Variants in SPAG17 observed in about 807,000 individuals in gnomAD.
SPAG17 encodes the protein sperm-associated antigen 17.
A neutral mutation model predicts 273.6 loss-of-function variants in SPAG17; 169 were observed. The ratio of observed to expected loss-of-function variants is 0.62; its 90% CI spans 0.55 to 0.70. The LOEUF (loss-of-function observed/expected upper bound fraction) is 0.70, where lower values mean the gene tolerates loss of function less well. SPAG17 is among the 30% of genes least tolerant of loss of function. The pLI is 0.00. For missense variants in SPAG17, 2,557 were observed against 2,627.8 expected, an observed-to-expected ratio of 0.97 and a Z score of 0.59; for synonymous variants, 825 against 873.2, an observed-to-expected ratio of 0.94 and a Z score of 0.97.
chr1:118,153,263 T>C (rs1454334116), intron 1 of SPAG17, among the ~76,000 whole-genome samples: 1 of 152,194 alleles, frequency 6.6e-6, no homozygotes, highest in Non-Finnish European at 1.5e-5. Context: ...TGTTATCTCA[T>C]TGAATCCCTA....
At chr1:117,955,222 G>A (rs1363522700) in intron 48 of SPAG17, 8 of 1,036,842 alleles carry the variant, frequency 7.7e-6, no homozygotes, top group Admixed American at 7.1e-5. Context: ...AAGTAAGAAG[G>A]AGGGGTTCCT....
chr1:118,086,982 G>A lies in SPAG17; in HGVS notation c.1386C>T (p.Val462=). Residue 462 remains valine, a synonymous_variant, in exon 11 of 49, where the codon GTC becomes GTT. Coordinates refer to ENST00000336338, the MANE Select transcript of SPAG17 (RefSeq NM_206996.4). The stretch of plus-strand genomic sequence containing the variant: ...GGGATGGCTCCCGCAGACTGGGTGG[G>A]ACGAGATCTTCTTCAGTTGCAACAA... ...EQVVATEEDL[V]PPSLREPSPR... The A allele has an allele frequency of 6.4e-7, 1 of 1,571,610 alleles. No homozygotes were observed. Among genetic ancestry groups the A allele is most frequent in the Non-Finnish European group, 8.6e-7 (1 of 1,163,132 alleles).
In SPAG17 at chr1:118,106,340, C is replaced by T. The variant is rs112791924; in HGVS notation, c.448-4414G>A. The stretch of plus-strand genomic sequence containing the variant: ...TAGGTAGAGCACCATCTTCATTTTA[C>T]GGAGGAGAAAACTGAGTCTTAGTGA... On this transcript the variant is annotated intron_variant, in intron 4 of 48. Transcript: ENST00000336338. Among the ~76,000 whole-genome samples, 517 of 152,206 alleles carry T rather than the reference C, an allele frequency of 3.4e-3. 5 individuals carry two copies. Among genetic ancestry groups the T allele is most frequent in the Admixed American group, 9.9e-3 (152 of 15,278 alleles).
intron 30 of SPAG17, 49 bp downstream of exon 30, chr1:118,012,178 AC>A: frequency 6.4e-7 from 1 of 1,564,080 alleles, no homozygotes; most frequent in Non-Finnish European, 8.8e-7. Flanking sequence ...TATCTAACTT[AC>A]GCTAAAGAGT....
chr1:118,152,570 T>C (rs1411142175), intron 1 of SPAG17, among the ~76,000 whole-genome samples: 2 of 152,096 alleles, frequency 1.3e-5, no homozygotes, highest in African/African-American at 4.8e-5. Context: ...CTAACAAGAC[T>C]CACCCAATTC....
At chr1:117,954,712 G>A (rs1651911131) in intron 48 of SPAG17, 1 of 1,353,950 alleles carries the variant, frequency 7.4e-7, no homozygotes. Context: ...ATTATGATTT[G>A]GGGATGGATT....
intron 48 of SPAG17, chr1:117,959,384 C>T: frequency 6.2e-7 from 1 of 1,613,504 alleles, no homozygotes; most frequent in Non-Finnish European, 8.5e-7. Flanking sequence ...ATGCTACTAG[C>T]CACTTGGAAG....
chr1:118,164,239 T>C (rs1258470280), intron 1 of SPAG17, among the ~76,000 whole-genome samples: 6 of 152,234 alleles, frequency 3.9e-5, no homozygotes, highest in African/African-American at 1.4e-4. Flanking sequence ...GTCCGTATTT[T>C]TGACTTCTTG....
At chr1:118,056,685 T>G (rs921457679) in intron 18 of SPAG17, among the ~76,000 whole-genome samples, 1 of 152,214 alleles carries the variant, frequency 6.6e-6, no homozygotes, top group African/African-American at 2.4e-5. Context: ...TTTGAAAAAA[T>G]AAAGCTAGAT....
At chr1:117,982,617 A>T (rs1655966469) in intron 42 of SPAG17, among the ~76,000 whole-genome samples, 1 of 152,214 alleles carries the variant, frequency 6.6e-6, no homozygotes, top group African/African-American at 2.4e-5. Flanking sequence ...ATTCTTCAGC[A>T]TGCAGTTCCT....
intron 28 of SPAG17, 126 bp from the exon 29 acceptor site, chr1:118,016,308 T>C (rs1376395910): frequency 4.3e-6 from 3 of 697,492 alleles, no homozygotes; most frequent in Non-Finnish European, 7.2e-6. Context: ...TTCTAAGTGG[T>C]ATTCATCAAT....
intron 10 of SPAG17, among the ~76,000 whole-genome samples, chr1:118,090,969 T>C (rs1331542966): frequency 6.6e-6 from 1 of 151,932 alleles, no homozygotes; most frequent in Non-Finnish European, 1.5e-5. Flanking sequence ...TAAAAAGGTG[T>C]TGATCAATGA....
intron 1 of SPAG17, among the ~76,000 whole-genome samples, chr1:118,167,944 A>T (rs1361387244): frequency 6.6e-6 from 1 of 151,730 alleles, no homozygotes; most frequent in African/African-American, 2.4e-5. Flanking sequence ...CTCTCCGCTC[A>T]CTCTCTTGTC....
At position 117,981,392 on chromosome 1, in the gene SPAG17, G is replaced by A. The variant is rs1655785352; in HGVS notation, c.5882C>T (p.Pro1961Leu). 1 of 1,592,126 alleles carries A rather than the reference G, an allele frequency of 6.3e-7. No individual in the cohort carries two copies. The highest frequency in any genetic ancestry group is 2.3e-5 in the East Asian group (1 of 44,186). Reference protein sequence around the residue: ...DTSDLNLDFKPHKVSEQKSSS... With the variant: ...DTSDLNLDFKLHKVSEQKSSS... ...GGATTTCTGTTCTGAAACCTTATGT[G>A]GCTTGAAATCTAGAAAACCCAAAAT... is the stretch of plus-strand genomic sequence containing the variant. The change falls in exon 43 of 49, where the codon CCA (proline) becomes CTA (leucine). Residue 1961 changes from proline (P) to leucine (L), a missense_variant. Transcript: ENST00000336338.
At chr1:118,148,648 GT>G (rs1436943336) in intron 3 of SPAG17, among the ~76,000 whole-genome samples, 2 of 152,162 alleles carry the variant, frequency 1.3e-5, no homozygotes, top group Non-Finnish European at 2.9e-5. Flanking sequence ...AGTTCTCCAA[GT>G]CCCCACCCGA....
chr1:118,053,309 T>A (rs1315705104), intron 20 of SPAG17, among the ~76,000 whole-genome samples: 6 of 152,180 alleles, frequency 3.9e-5, no homozygotes, highest in Non-Finnish European at 7.4e-5. Context: ...TTTAAATGTT[T>A]ATTGCATGCT....
At chr1:118,148,554 GA>G (rs1240450983) in intron 3 of SPAG17, among the ~76,000 whole-genome samples, 5 of 152,094 alleles carry the variant, frequency 3.3e-5, no homozygotes, top group African/African-American at 1.2e-4. Flanking sequence ...CATTTTTACA[GA>G]ATGCTGATTG....
chr1:117,976,554 G>T (rs1367057792), intron 43 of SPAG17, among the ~76,000 whole-genome samples: 2 of 152,198 alleles, frequency 1.3e-5, no homozygotes, highest in Admixed American at 6.5e-5. Context: ...GTGAGGGGTA[G>T]CATGTGCTTC....
chr1:117,990,980 A>T, intron 37 of SPAG17, 74 bp from the exon 38 acceptor site: 1 of 824,264 alleles, frequency 1.2e-6, no homozygotes, highest in South Asian at 2.6e-5. Flanking sequence ...ACATTCTCTC[A>T]AGCTGATCTT....
Sources: gnomAD v4.1 joint callset for allele counts (sites outside exome capture counted in the v4.1 genomes callset) on GRCh38, gnomAD v4.1.1 for gene constraint, MANE v1.5 for transcripts, NCBI Gene and HGNC (gene_info 2026-07-23, HGNC 2026-07-21) for gene names.